The following SLC25A13 variants were observed in gnomAD, a reference collection of about 807,000 sequenced individuals.
SLC25A13 encodes the protein electrogenic aspartate/glutamate antiporter SLC25A13, mitochondrial.
Under a neutral mutation model 85.5 loss-of-function variants are expected in SLC25A13, and 70 were observed. The observed-to-expected ratio is 0.82, with a 90% CI of 0.68 to 1.00. SLC25A13 has a LOEUF of 1.00. SLC25A13 is among the 50% of genes least tolerant of loss of function. The probability of loss-of-function intolerance (pLI) is 0.00; values close to 1 mark genes in which losing one functional copy is unlikely to be tolerated. For synonymous variants in SLC25A13, 259 were observed against 288.7 expected, an observed-to-expected ratio of 0.90 and a Z score of 1.04; for missense variants, 765 against 819.8, an observed-to-expected ratio of 0.93 and a Z score of 0.82.
At chr7:96,190,965 T>G in intron 7 of SLC25A13, 144 bp downstream of exon 7, 1 of 1,075,076 alleles carries the variant, frequency 9.3e-7, no homozygotes, top group Non-Finnish European at 1.4e-6. Flanking sequence ...GTTTGTCTGA[T>G]CAAAGGATGA....
intron 1 of SLC25A13, 101 bp from the exon 2 acceptor site, chr7:96,297,052 T>A: frequency 9.3e-7 from 1 of 1,074,968 alleles, no homozygotes; most frequent in Non-Finnish European, 1.4e-6. Flanking sequence ...ATTAGTGCAT[T>A]TCATTTTTGT....
chr7:96,124,120 T>A (rs987502349), intron 15 of SLC25A13, among the ~76,000 whole-genome samples: 2 of 152,044 alleles, frequency 1.3e-5, no homozygotes, highest in African/African-American at 4.8e-5. Context: ...AATTAAAAAA[T>A]TACAAGTCTT....
chr7:96,229,457 T>C (rs1032269854), intron 4 of SLC25A13, among the ~76,000 whole-genome samples: 1 of 152,054 alleles, frequency 6.6e-6, no homozygotes, highest in African/African-American at 2.4e-5. Flanking sequence ...GATAAGGGAA[T>C]AAAAGCAGGC....
At chr7:96,164,111 C>T (rs953860206) in intron 13 of SLC25A13, among the ~76,000 whole-genome samples, 10 of 152,152 alleles carry the variant, frequency 6.6e-5, no homozygotes, top group African/African-American at 2.4e-4. Context: ...GCACTGAATC[C>T]GGCTGGCCTA....
rs1395218688 is a variant in SLC25A13 at position 96,321,994 on chromosome 7, A to ACTGG, written c.-42_-39dup. ...TTGCGGGCGACTGCGGGACCCACTG[A>ACTGG]CTGGCTGGCTGGCGTTTGGGACCCG... On this transcript the variant is annotated 5_prime_UTR_variant, in exon 1 of 18. Transcript: ENST00000265631. 2.1e-5 allele frequency: 32 copies of ACTGG among 1,535,238 alleles called. No homozygotes were observed. Among genetic ancestry groups the ACTGG allele is most frequent in the Non-Finnish European group, 2.8e-5 (32 of 1,141,580 alleles).
chr7:96,148,103 C>T (rs1792877357), intron 13 of SLC25A13, among the ~76,000 whole-genome samples: 1 of 152,148 alleles, frequency 6.6e-6, no homozygotes. Flanking sequence ...TCCATTTTTA[C>T]CAACTTGATA....
intron 3 of SLC25A13, among the ~76,000 whole-genome samples, chr7:96,247,285 T>C (rs534290452): frequency 6.6e-6 from 1 of 152,258 alleles, no homozygotes; most frequent in East Asian, 1.9e-4. Flanking sequence ...ATTTTACCCA[T>C]GTAAACAAGT....
At chr7:96,176,178 A>C (rs1388122544) in intron 11 of SLC25A13, among the ~76,000 whole-genome samples, 1 of 152,226 alleles carries the variant, frequency 6.6e-6, no homozygotes, top group Non-Finnish European at 1.5e-5. Context: ...CCTAAAGCAG[A>C]GAGTCTAGGT....
chr7:96,239,576 A>G (rs985619919), intron 3 of SLC25A13, among the ~76,000 whole-genome samples: 1 of 152,130 alleles, frequency 6.6e-6, no homozygotes, highest in African/African-American at 2.4e-5. Flanking sequence ...TGAATCATGC[A>G]GCTCTGATTA....
chr7:96,310,565 A>G (rs539181011), intron 1 of SLC25A13, among the ~76,000 whole-genome samples: 2 of 152,328 alleles, frequency 1.3e-5, no homozygotes, highest in East Asian at 3.9e-4. Context: ...GTAATTTACT[A>G]GGAGATGCAT....
intron 2 of SLC25A13, among the ~76,000 whole-genome samples, chr7:96,293,562 A>T (rs1799211714): frequency 6.6e-6 from 1 of 152,198 alleles, no homozygotes. Context: ...GAATCTACAA[A>T]GAACTCAGCC....
chr7:96,260,054 G>A (rs933601864), intron 3 of SLC25A13, among the ~76,000 whole-genome samples: 1 of 151,814 alleles, frequency 6.6e-6, no homozygotes, highest in South Asian at 2.1e-4. Context: ...GGGCCTGTCG[G>A]GGGGTGGGGA....
rs1791444124 is a variant in SLC25A13 at position 96,120,240 on chromosome 7, T to A, written c.*951A>T. 2.2e-6 allele frequency: 1 copy of A among 451,154 alleles called. No homozygotes were observed. Among genetic ancestry groups the A allele is most frequent in the South Asian group, 1.6e-5 (1 of 64,330 alleles). 27.9% of individuals were successfully genotyped at this position (451,154 alleles called of 1,614,324 possible). A position where few individuals can be genotyped will look rare whatever the true frequency, so the allele number is the denominator to read the frequency against. On this transcript the variant is annotated 3_prime_UTR_variant, in exon 18 of 18. Coordinates refer to ENST00000265631, the MANE Select transcript of SLC25A13 (RefSeq NM_014251.3). The stretch of plus-strand genomic sequence containing the variant: ...CTCAATCACTTTACAAATAGTTTAT[T>A]TCCACCTTCACAAATTCATGCGCCT...
At chr7:96,139,424 C>T (rs1019504840) in intron 14 of SLC25A13, among the ~76,000 whole-genome samples, 4 of 151,972 alleles carry the variant, frequency 2.6e-5, no homozygotes, top group Non-Finnish European at 5.9e-5. Context: ...TTAATACAAG[C>T]TTTAAGCAGA....
At chr7:96,221,359 C>T in intron 4 of SLC25A13, among the ~76,000 whole-genome samples, 1 of 152,138 alleles carries the variant, frequency 6.6e-6, no homozygotes. Context: ...ATATACTCAG[C>T]CCCCTCTTTA....
At chr7:96,319,125 T>C (rs903653763) in intron 1 of SLC25A13, among the ~76,000 whole-genome samples, 1 of 152,328 alleles carries the variant, frequency 6.6e-6, no homozygotes, top group Admixed American at 6.5e-5. Context: ...AGGGACCTTT[T>C]AAGGCCACAT....
At position 96,150,140 on chromosome 7, in the gene SLC25A13, A is replaced by G. The variant is rs551102105; in HGVS notation, c.1312-3444T>C. ...TCCTGGTATACTCTTTGTTATTGAA[A>G]TCTTAGTTATCATCTAGTATCTGGA... is the stretch of plus-strand genomic sequence containing the variant. On this transcript the variant is annotated intron_variant, in intron 13 of 17. Transcript: ENST00000265631. Among the ~76,000 whole-genome samples the G allele has an allele frequency of 4.6e-5, 7 of 151,838 alleles. No homozygotes were observed. In the South Asian group the frequency reaches 1.5e-3, roughly 32 times the overall value.
chr7:96,255,345 T>C (rs902818987), intron 3 of SLC25A13, among the ~76,000 whole-genome samples: 2 of 152,240 alleles, frequency 1.3e-5, no homozygotes, highest in African/African-American at 2.4e-5. Context: ...AATTTATCTT[T>C]ACATTTGAAA....
At position 96,121,339 on chromosome 7, in the gene SLC25A13, A is replaced by G; in HGVS notation, c.1880T>C (p.Ile627Thr). ...MGSEPVPKSR[I>T]NLPAPNPDHV... ...ATCAGGATTCGGGGCAGGCAGGTTG[A>G]TCCTGGATTTAGGAACTGGCTCTGA... The change falls in exon 18 of 18, where the codon ATC becomes ACC. Residue 627 changes from isoleucine (I) to threonine (T), a missense_variant. Ile to Thr is a moderately conservative substitution (Grantham distance 89). Transcript: ENST00000265631. The G allele has an allele frequency of 6.2e-7, 1 of 1,614,198 alleles. No individual in the cohort carries two copies. Among genetic ancestry groups the G allele is most frequent in the Non-Finnish European group, 8.5e-7 (1 of 1,180,026 alleles).
Sources: allele counts gnomAD v4.1 joint callset (sites outside exome capture counted in the v4.1 genomes callset), GRCh38; gene constraint gnomAD v4.1.1; transcripts MANE v1.5; gene names NCBI Gene and HGNC (gene_info 2026-07-23, HGNC 2026-07-21).